The following BIRC6 variants were observed in gnomAD, a reference collection of about 807,000 sequenced individuals.
The protein encoded by BIRC6 is baculoviral IAP repeat containing 6.
In BIRC6, 98 loss-of-function variants were observed where a neutral mutation model predicts 503.3. The observed-to-expected ratio is 0.19, with a 90% CI of 0.17 to 0.23. The LOEUF is 0.23. Among genes scored for constraint, BIRC6 ranks in the 10% least tolerant of loss-of-function variants. The probability of loss-of-function intolerance (pLI) is 1.00; values close to 1 mark genes in which losing one functional copy is unlikely to be tolerated. For missense variants in BIRC6, 5,360 were observed against 5,806.0 expected, an observed-to-expected ratio of 0.92 and a Z score of 2.50; for synonymous variants, 2,240 against 2,078.7, an observed-to-expected ratio of 1.08 and a Z score of -2.11.
chr2:32,614,846 A>C (rs2063132449), intron 73 of BIRC6, among the ~76,000 whole-genome samples: 1 of 152,134 alleles, frequency 6.6e-6, no homozygotes, highest in African/African-American at 2.4e-5. Context: ...AAATAAATGA[A>C]AAGTATGTAG....
At chr2:32,370,296 A>G (rs964735644) in intron 1 of BIRC6, among the ~76,000 whole-genome samples, 3 of 126,408 alleles carry the variant, frequency 2.4e-5, no homozygotes, top group African/African-American at 9.8e-5. Flanking sequence ...ATGATGTCAG[A>G]TACTAAAGAT....
intron 43 of BIRC6, among the ~76,000 whole-genome samples, chr2:32,491,029 A>T (rs1178530122): frequency 6.6e-6 from 1 of 152,210 alleles, no homozygotes; most frequent in African/African-American, 2.4e-5. Flanking sequence ...ACTAACATGC[A>T]AAAAGGAATA....
chr2:32,489,919 G>C, intron 42 of BIRC6, 122 bp from the exon 43 acceptor site: 1 of 646,412 alleles, frequency 1.5e-6, no homozygotes. Flanking sequence ...ATGTTTTGAA[G>C]ACACTGGTTA....
intron 45 of BIRC6, among the ~76,000 whole-genome samples, chr2:32,494,015 T>G (rs1366298323): frequency 6.6e-6 from 1 of 152,160 alleles, no homozygotes; most frequent in Non-Finnish European, 1.5e-5. Context: ...TAAGAAAACC[T>G]GAAAAATAGA....
At chr2:32,363,899 C>G (rs1255135720) in intron 1 of BIRC6, among the ~76,000 whole-genome samples, 1 of 152,150 alleles carries the variant, frequency 6.6e-6, no homozygotes, top group Non-Finnish European at 1.5e-5. Context: ...CTCGTGATTA[C>G]TTTAAAAAAT....
At chr2:32,549,137 C>CA (rs1440997906) in intron 64 of BIRC6, 176 bp from the exon 65 acceptor site, 7 of 440,218 alleles carry the variant, frequency 1.6e-5, no homozygotes, top group Non-Finnish European at 2.4e-5. Context: ...CACTCTCAGA[C>CA]AAAACAGATC....
chr2:32,436,886 CTTTTTTTTTTT>C (rs35067044), intron 15 of BIRC6, among the ~76,000 whole-genome samples: 1 of 90,078 alleles, frequency 1.1e-5, no homozygotes, highest in Non-Finnish European at 2.1e-5. Context: ...TTTGTTTTTT[CTTTTTTTTTTT>C]TTTTTTTTTG....
intron 26 of BIRC6, among the ~76,000 whole-genome samples, chr2:32,466,530 C>T (rs1033806524): frequency 3.9e-5 from 6 of 152,076 alleles, no homozygotes; most frequent in Admixed American, 2.0e-4. Flanking sequence ...CCAATGAATG[C>T]AATATGCAAC....
intron 69 of BIRC6, among the ~76,000 whole-genome samples, chr2:32,598,861 A>G (rs2061851323): frequency 6.6e-6 from 1 of 151,694 alleles, no homozygotes; most frequent in African/African-American, 2.4e-5. Flanking sequence ...CGTCTCTACT[A>G]AAAATACAAA....
chr2:32,359,852 A>G (rs1449095062), intron 1 of BIRC6, among the ~76,000 whole-genome samples: 6 of 152,136 alleles, frequency 3.9e-5, no homozygotes. Flanking sequence ...TACAGGCATG[A>G]GCTGTCCCAC....
intron 3 of BIRC6, among the ~76,000 whole-genome samples, chr2:32,381,366 A>C (rs1213889211): frequency 6.6e-6 from 1 of 151,878 alleles, no homozygotes; most frequent in African/African-American, 2.4e-5. Flanking sequence ...CAGTCTCCTG[A>C]GTAGCTGGGA....
chr2:32,439,866 T>G (rs766206771), intron 16 of BIRC6, among the ~76,000 whole-genome samples, 180 bp downstream of exon 16: 1 of 152,214 alleles, frequency 6.6e-6, no homozygotes, highest in Non-Finnish European at 1.5e-5. Flanking sequence ...GAGTTAACTT[T>G]ATTATTTCAT....
At chr2:32,401,022 A>T (rs2040547703) in intron 6 of BIRC6, 141 bp from the exon 7 acceptor site, 1 of 683,834 alleles carries the variant, frequency 1.5e-6, no homozygotes. Context: ...ATAAAACTGA[A>T]TGATTTGGTT....
chr2:32,433,682 C>A lies in BIRC6; in HGVS notation c.3287C>A (p.Pro1096His). Reference sequence around the variant, plus strand: ...GAACATGTATTTGAATTAGTACTACCTAAAGCTTGTATGGTTGGACATGTG... The same window carrying A: ...GAACATGTATTTGAATTAGTACTACATAAAGCTTGTATGGTTGGACATGTG... ...WDEHVFELVL[P>H]KACMVGHVDF... Residue 1096 changes from proline (P) to histidine (H), a missense_variant, in exon 13 of 74, where the codon CCT (proline) becomes CAT (histidine). Physicochemically the swap from Pro to His is moderately conservative, Grantham distance 77. Coordinates refer to ENST00000421745, the MANE Select transcript of BIRC6 (RefSeq NM_016252.4). 6.2e-7 allele frequency: 1 copy of A among 1,602,210 alleles called. No homozygotes were observed. The highest frequency in any genetic ancestry group is 8.5e-7 in the Non-Finnish European group (1 of 1,171,480).
chr2:32,597,732 T>G lies in BIRC6; in HGVS notation c.13613-19T>G, dbSNP rs368653172. ...CAATTTTTTGCAGTTCTGGGTTTTA[T>G]TTTTTCTTCTCCTTTTAGATACGTT... On this transcript the variant is annotated intron_variant, in intron 68 of 73. Transcript: ENST00000421745. 3.1e-6 allele frequency: 5 copies of G among 1,588,362 alleles called. No individual in the cohort carries two copies. In the African/African-American group the frequency reaches 6.7e-5, roughly 21 times the overall value.
intron 9 of BIRC6, among the ~76,000 whole-genome samples, chr2:32,413,501 T>G (rs1420422672): frequency 6.6e-6 from 1 of 151,898 alleles, no homozygotes; most frequent in Non-Finnish European, 1.5e-5. Flanking sequence ...GTATTTTTAG[T>G]AGAGGCGGGG....
rs1370024675 is a variant in BIRC6 at position 32,476,878 on chromosome 2, C to A, written c.6853-490C>A. ...TTCAACTGATTTGTAAGTTTTAAAA[C>A]CTTGGTGTTTACTTTTTAAAATTTT... On this transcript the variant is annotated intron_variant, in intron 34 of 73. Transcript: ENST00000421745. 2.0e-5 allele frequency among the ~76,000 whole-genome samples: 3 copies of A among 152,174 alleles called. No individual in the cohort carries two copies. The East Asian group carries it at 5.8e-4, about 29-fold the overall frequency.
intron 66 of BIRC6, among the ~76,000 whole-genome samples, chr2:32,580,398 T>A (rs1350245690): frequency 6.6e-6 from 1 of 152,080 alleles, no homozygotes; most frequent in South Asian, 2.1e-4. Context: ...GGGCAAGGGA[T>A]TGGTGTCCCA....
In BIRC6 at chr2:32,357,249, G is replaced by T; in HGVS notation, c.88G>T (p.Ala30Ser). Residue 30 changes from alanine to serine, a missense_variant, in exon 1 of 74, where the codon GCG becomes TCG. Around this residue, in one of 16 missense-constraint regions of BIRC6, gnomAD observed 145 missense variants for 106.9 expected, o/e 1.36. Coordinates refer to ENST00000421745, the MANE Select transcript of BIRC6 (RefSeq NM_016252.4). This position sits in a 1 kb window ranked among gnomAD's most constrained non-coding sequence, Gnocchi z 4.9. ...VIVLSAGRKM[A>S]AAAAAASGPG... ...TGTGCTGAGCGCAGGCCGGAAGATG[G>T]CGGCTGCGGCTGCGGCGGCCTCGGG... 6.6e-7 allele frequency: 1 copy of T among 1,522,344 alleles called. No homozygotes were observed. 94.3% of individuals were successfully genotyped at this position (1,522,344 alleles called of 1,614,324 possible).
Sources: allele counts gnomAD v4.1 joint callset (sites outside exome capture counted in the v4.1 genomes callset), GRCh38; gene constraint gnomAD v4.1.1; regional missense constraint gnomAD v4.1.1; non-coding constraint Gnocchi (gnomAD v3.1); transcripts MANE v1.5; gene names NCBI Gene and HGNC (gene_info 2026-07-23, HGNC 2026-07-21).